PCDH15: variants seen among roughly 807,000 people sequenced by gnomAD.
The protein encoded by PCDH15 is protocadherin-15.
PCDH15 carries 129 observed loss-of-function variants against 178.5 expected under a neutral mutation model. That is an observed-to-expected ratio of 0.72 (90% CI 0.63 to 0.84). PCDH15 has a LOEUF of 0.84. Among genes scored for constraint, PCDH15 ranks in the 40% least tolerant of loss-of-function variants. The pLI is 0.00. For missense variants in PCDH15, 2,230 were observed against 2,099.9 expected (o/e 1.06, Z -1.21); for synonymous variants, 800 against 732.0 (o/e 1.09, Z -1.50).
At chr10:55,077,242 T>G (rs192709852) in intron 2 of PCDH15, among the ~76,000 whole-genome samples, 97 of 152,288 alleles carry the variant, frequency 6.4e-4, no homozygotes, top group African/African-American at 2.1e-3. Context: ...CATCTATAAC[T>G]TTTAAGTGAA....
chr10:53,876,517 T>A (rs2080259590), intron 26 of PCDH15, among the ~76,000 whole-genome samples: 1 of 151,892 alleles, frequency 6.6e-6, no homozygotes, highest in Non-Finnish European at 1.5e-5. Context: ...CAGAAAGAAA[T>A]CTTTATTTTA....
intron 3 of PCDH15, among the ~76,000 whole-genome samples, chr10:54,487,016 A>G (rs1240338492): frequency 1.3e-5 from 2 of 152,026 alleles, no homozygotes; most frequent in African/African-American, 4.8e-5. Flanking sequence ...TTCTTTCATA[A>G]AACGCAAACT....
upstream of PCDH15, among the ~76,000 whole-genome samples, chr10:55,320,403 A>T (rs1392886000): frequency 6.6e-6 from 1 of 151,726 alleles, no homozygotes; most frequent in East Asian, 2.0e-4. Context: ...ACCTGCATAG[A>T]GGCCAGTACT....
intron 1 of PCDH15, among the ~76,000 whole-genome samples, chr10:54,678,234 C>T (rs1377660942): frequency 6.6e-6 from 1 of 152,050 alleles, no homozygotes; most frequent in African/African-American, 2.4e-5. Flanking sequence ...AGTAAGAATG[C>T]ATTTTGGGCA....
intron 2 of PCDH15, among the ~76,000 whole-genome samples, chr10:55,417,715 G>T (rs150374279): frequency 6.6e-6 from 1 of 150,662 alleles, no homozygotes; most frequent in Non-Finnish European, 1.5e-5. Context: ...TATTTGCTGG[G>T]ATCCATTTTT....
intron 2 of PCDH15, among the ~76,000 whole-genome samples, chr10:55,064,985 C>T (rs1841527249): frequency 6.6e-6 from 1 of 151,942 alleles, no homozygotes; most frequent in Admixed American, 6.6e-5. Context: ...TATCATCTGT[C>T]CTCTCCTTGC....
intron 3 of PCDH15, among the ~76,000 whole-genome samples, chr10:54,380,727 T>TGCTCC (rs1565132324): frequency 1.2e-4 from 11 of 91,428 alleles, no homozygotes; most frequent in Non-Finnish European, 1.5e-4. Flanking sequence ...TATATATATA[T>TGCTCC]ATATATATAT....
intron 10 of PCDH15, among the ~76,000 whole-genome samples, chr10:54,205,153 C>T (rs1477768300): frequency 1.3e-5 from 2 of 152,032 alleles, no homozygotes. Context: ...ATCCCCTGGT[C>T]CTGGATATGT....
intron 2 of PCDH15, among the ~76,000 whole-genome samples, chr10:54,914,435 T>G (rs993177029): frequency 5.3e-5 from 8 of 152,122 alleles, no homozygotes; most frequent in African/African-American, 1.9e-4. Context: ...CAAAATGACA[T>G]AAATAAAAAT....
At chr10:54,902,522 A>T (rs558608400) in intron 2 of PCDH15, among the ~76,000 whole-genome samples, 4 of 152,064 alleles carry the variant, frequency 2.6e-5, no homozygotes, top group Non-Finnish European at 5.9e-5. Flanking sequence ...TTCTGCCATG[A>T]CTGTAAGTTT....
At chr10:55,243,190 A>C (rs1257789090) in intron 1 of PCDH15, among the ~76,000 whole-genome samples, 1 of 152,244 alleles carries the variant, frequency 6.6e-6, no homozygotes, top group Non-Finnish European at 1.5e-5. Flanking sequence ...CATAATGAGC[A>C]TAATACAGTG....
chr10:54,200,538 C>A (rs2050130793), intron 10 of PCDH15, among the ~76,000 whole-genome samples: 1 of 152,040 alleles, frequency 6.6e-6, no homozygotes, highest in Non-Finnish European at 1.5e-5. Flanking sequence ...TCTGTATTCA[C>A]CCTCCCAAGT....
At chr10:55,484,934 A>T (rs571586186) in intron 2 of PCDH15, among the ~76,000 whole-genome samples, 1 of 151,878 alleles carries the variant, frequency 6.6e-6, no homozygotes. Context: ...AAACTACTAG[A>T]AAAAAATAAC....
At chr10:54,626,378 A>G (rs1030504104) in intron 2 of PCDH15, among the ~76,000 whole-genome samples, 6 of 152,170 alleles carry the variant, frequency 3.9e-5, no homozygotes. Flanking sequence ...GACTAGGAGA[A>G]AATGGTTTCA....
intron 27 of PCDH15, among the ~76,000 whole-genome samples, chr10:53,858,436 A>G (rs1212334751): frequency 6.6e-6 from 1 of 152,172 alleles, no homozygotes; most frequent in East Asian, 1.9e-4. Context: ...CCAAGAGCAC[A>G]TAACTCTGCT....
chr10:55,388,562 TTAA>T (rs1175234721), intron 2 of PCDH15, among the ~76,000 whole-genome samples: 25 of 152,086 alleles, frequency 1.6e-4, no homozygotes, highest in Non-Finnish European at 2.9e-4. Context: ...TTTTGCTGGG[TTAA>T]TAATGAGAAG....
chr10:53,877,310 T>C (rs2080318950), intron 26 of PCDH15, among the ~76,000 whole-genome samples: 1 of 152,096 alleles, frequency 6.6e-6, no homozygotes. Flanking sequence ...TTTTCAACCA[T>C]GTGAAAAAGA....
chr10:54,440,796 C>T (rs927910548), intron 3 of PCDH15, among the ~76,000 whole-genome samples: 6 of 151,678 alleles, frequency 4.0e-5, no homozygotes, highest in Admixed American at 6.6e-5. Context: ...TACTCTATGT[C>T]GGAAGTAAAA....
intron 3 of PCDH15, among the ~76,000 whole-genome samples, chr10:54,487,115 T>C (rs759147712): frequency 5.3e-5 from 8 of 152,006 alleles, no homozygotes; most frequent in Non-Finnish European, 1.0e-4. Context: ...ATTTAAAAAG[T>C]CAGAGTATTT....
Sources: gnomAD v4.1 joint callset for allele counts (sites outside exome capture counted in the v4.1 genomes callset) on GRCh38, gnomAD v4.1.1 for gene constraint, MANE v1.5 for transcripts, NCBI Gene and HGNC (gene_info 2026-07-23, HGNC 2026-07-21) for gene names.